The following PTPRD variants were observed in gnomAD, a reference collection of about 807,000 sequenced individuals.
PTPRD encodes the protein protein tyrosine phosphatase receptor type D.
A neutral mutation model predicts 214.5 loss-of-function variants in PTPRD; 34 were observed. That is an observed-to-expected ratio of 0.16 (90% CI 0.12 to 0.21). The LOEUF is 0.21. Ranked by LOEUF, PTPRD falls within the 10% of genes least tolerant of loss-of-function variation. The pLI is 1.00. For missense variants in PTPRD, 2,545 were observed against 2,398.7 expected, an observed-to-expected ratio of 1.06 and a Z score of -1.27; for synonymous variants, 1,128 against 845.7, an observed-to-expected ratio of 1.33 and a Z score of -5.79.
chr9:10,238,924 C>G (rs368361567), intron 3 of PTPRD, among the ~76,000 whole-genome samples: 1 of 151,758 alleles, frequency 6.6e-6, no homozygotes, highest in Non-Finnish European at 1.5e-5. Context: ...TTTGTCAGAT[C>G]GATTTATGAC....
At chr9:9,492,671 G>A (rs73405047) in intron 8 of PTPRD, among the ~76,000 whole-genome samples, 3,358 of 151,042 alleles carry the variant, frequency 0.022, 76 homozygotes, top group African/African-American at 0.059. Flanking sequence ...TAAAAGTCAC[G>A]TACAGGCATA....
intron 11 of PTPRD, among the ~76,000 whole-genome samples, chr9:8,838,435 T>C (rs11998812): frequency 0.025 from 3,854 of 152,210 alleles, 150 homozygotes; most frequent in African/African-American, 0.087. Flanking sequence ...AAATCATTCA[T>C]CTGCTTGGAA....
rs1453694732 is a variant in PTPRD at position 10,612,862 on chromosome 9, G to A, written c.-882C>T. On this transcript the variant is annotated 5_prime_UTR_variant, in exon 1 of 46. Coordinates refer to ENST00000381196, the MANE Select transcript of PTPRD (RefSeq NM_002839.4). ...AAGCAGCCGAGACGGCAAGGAGGAG[G>A]CGAGGCTCTGTCGGGGCGAGGCGCT... The A allele has an allele frequency of 6.6e-6, 1 of 152,048 alleles. No individual in the cohort carries two copies. The highest frequency in any genetic ancestry group is 1.5e-5 in the Non-Finnish European group (1 of 68,022). 9.4% of individuals were successfully genotyped at this position (152,048 alleles called of 1,614,324 possible).
chr9:10,481,782 G>A (rs900915903), intron 2 of PTPRD, among the ~76,000 whole-genome samples: 21 of 152,096 alleles, frequency 1.4e-4, no homozygotes, highest in African/African-American at 3.1e-4. Context: ...CAAAACCGAA[G>A]AGCAGTAGCA....
intron 4 of PTPRD, among the ~76,000 whole-genome samples, chr9:9,969,498 C>T (rs531821296): frequency 1.3e-5 from 2 of 152,318 alleles, no homozygotes; most frequent in Non-Finnish European, 2.9e-5. Context: ...TCAACCTCTG[C>T]TTTTAATGGA....
chr9:10,349,747 A>G (rs2154455394), intron 2 of PTPRD, among the ~76,000 whole-genome samples: 1 of 152,348 alleles, frequency 6.6e-6, no homozygotes, highest in Middle Eastern at 3.4e-3. Flanking sequence ...TAGGCTGAAT[A>G]ATTGCATCAC....
At chr9:9,246,468 A>C (rs150328796) in intron 9 of PTPRD, among the ~76,000 whole-genome samples, 285 of 152,192 alleles carry the variant, frequency 1.9e-3, no homozygotes, top group African/African-American at 6.3e-3. Flanking sequence ...GCAAACTAGA[A>C]AAATCTGTCA....
intron 11 of PTPRD, among the ~76,000 whole-genome samples, chr9:8,800,521 C>T (rs2096550464): frequency 6.6e-6 from 1 of 152,178 alleles, no homozygotes; most frequent in Non-Finnish European, 1.5e-5. Context: ...GACTTCTGGT[C>T]ATTCTCACTG....
chr9:9,438,220 C>T (rs142379657), intron 8 of PTPRD, among the ~76,000 whole-genome samples: 17 of 152,240 alleles, frequency 1.1e-4, no homozygotes, highest in African/African-American at 3.9e-4. Context: ...GTTAGGATTA[C>T]AACAGAATGA....
At chr9:9,171,581 C>T (rs1404687744) in intron 10 of PTPRD, among the ~76,000 whole-genome samples, 8 of 151,878 alleles carry the variant, frequency 5.3e-5, no homozygotes, top group Admixed American at 1.3e-4. Context: ...ATCATGAATA[C>T]GTGGAAAGCA....
intron 10 of PTPRD, among the ~76,000 whole-genome samples, chr9:9,028,908 T>G (rs1426357745): frequency 6.0e-5 from 9 of 150,834 alleles, no homozygotes; most frequent in Admixed American, 5.3e-4. Flanking sequence ...TAAAAAAAAG[T>G]AGAAGCATAA....
At chr9:8,705,640 G>C (rs1036471264) in intron 12 of PTPRD, among the ~76,000 whole-genome samples, 1 of 152,118 alleles carries the variant, frequency 6.6e-6, no homozygotes, top group Admixed American at 6.5e-5. Context: ...TTAGACAGCA[G>C]TTAAACACAT....
intron 3 of PTPRD, among the ~76,000 whole-genome samples, chr9:10,170,389 G>T: frequency 6.6e-6 from 1 of 151,982 alleles, no homozygotes; most frequent in East Asian, 1.9e-4. Flanking sequence ...AAATAAAATC[G>T]TGTTTTAGAA....
chr9:9,596,964 T>C (rs893893310), intron 7 of PTPRD, among the ~76,000 whole-genome samples: 2 of 151,940 alleles, frequency 1.3e-5, no homozygotes, highest in African/African-American at 4.8e-5. Context: ...CCAAAGAAAC[T>C]GAAGGGATCA....
At chr9:9,319,468 G>C (rs555651529) in intron 9 of PTPRD, among the ~76,000 whole-genome samples, 12 of 152,184 alleles carry the variant, frequency 7.9e-5, no homozygotes, top group Non-Finnish European at 1.5e-4. Context: ...AGAACATTTT[G>C]TGCCAAAGTG....
intron 11 of PTPRD, among the ~76,000 whole-genome samples, chr9:8,784,241 A>G (rs2095850506): frequency 6.6e-6 from 1 of 152,214 alleles, no homozygotes. Flanking sequence ...ACAAAACGAC[A>G]TGACCTGGAA....
At chr9:9,326,646 T>A (rs10977666) in intron 9 of PTPRD, among the ~76,000 whole-genome samples, 18,399 of 140,950 alleles carry the variant, frequency 0.13, 1,385 homozygotes, top group Non-Finnish European at 0.17. Context: ...GCATTGAAGA[T>A]TTTTTTTTTT....
At chr9:9,865,988 T>C (rs2063851170) in intron 5 of PTPRD, among the ~76,000 whole-genome samples, 1 of 152,174 alleles carries the variant, frequency 6.6e-6, no homozygotes, top group Admixed American at 6.5e-5. Context: ...CAGACACTGC[T>C]CCCTTCTAAT....
intron 12 of PTPRD, chr9:8,713,724 C>T: frequency 2.7e-6 from 4 of 1,507,300 alleles, no homozygotes; most frequent in East Asian, 2.3e-5. Flanking sequence ...GCAAGTGACG[C>T]CGGCAGGCTG....
Sources: allele counts gnomAD v4.1 joint callset (sites outside exome capture counted in the v4.1 genomes callset), GRCh38; gene constraint gnomAD v4.1.1; transcripts MANE v1.5; gene names NCBI Gene and HGNC (gene_info 2026-07-23, HGNC 2026-07-21).